The following ASRGL1 variants were observed in gnomAD, a reference collection of about 807,000 sequenced individuals.
The protein encoded by ASRGL1 is isoaspartyl peptidase/L-asparaginase.
A neutral mutation model predicts 22.4 loss-of-function variants in ASRGL1; 16 were observed. That is an observed-to-expected ratio of 0.71 (90% CI 0.48 to 1.08). The LOEUF (loss-of-function observed/expected upper bound fraction) is 1.08. ASRGL1 is among the 50% of genes least tolerant of loss of function. ASRGL1 has a pLI of 0.00. For synonymous variants in ASRGL1, 165 were observed against 159.3 expected, an observed-to-expected ratio of 1.04 and a Z score of -0.27; for missense variants, 412 against 410.1, an observed-to-expected ratio of 1.00 and a Z score of -0.04.
At chr11:62,389,993 A>C (rs1456395262) in intron 5 of ASRGL1, among the ~76,000 whole-genome samples, 1 of 152,176 alleles carries the variant, frequency 6.6e-6, no homozygotes, top group Non-Finnish European at 1.5e-5. Context: ...ACAATTCTTG[A>C]TACCCTTTTT....
downstream of ASRGL1, among the ~76,000 whole-genome samples, chr11:62,398,041 G>A (rs1947451430): frequency 6.6e-6 from 1 of 152,036 alleles, no homozygotes; most frequent in African/African-American, 2.4e-5. Flanking sequence ...GAAGCACCTG[G>A]CTGAACACCA....
the ASRGL1 span, among the ~76,000 whole-genome samples, chr11:62,398,600 A>G: frequency 6.6e-6 from 1 of 152,100 alleles, no homozygotes; most frequent in Non-Finnish European, 1.5e-5. Flanking sequence ...ATCTTTTTTA[A>G]AAGTAAGAAA....
At chr11:62,392,030 G>A in intron 6 of ASRGL1, 49 bp from the exon 7 acceptor site, 1 of 1,590,040 alleles carries the variant, frequency 6.3e-7, no homozygotes, top group Non-Finnish European at 8.6e-7. Context: ...TTTCCCATGA[G>A]ATTCCTTTCA....
At chr11:62,357,392 G>A (rs542854874) in intron 4 of ASRGL1, among the ~76,000 whole-genome samples, 2 of 150,484 alleles carry the variant, frequency 1.3e-5, no homozygotes, top group African/African-American at 4.9e-5. Flanking sequence ...TGGGACTACA[G>A]GCACACACCA....
rs1448530717 is a variant in ASRGL1, at chr11:62,372,056, C to T, written c.491+14912C>T. On this transcript the variant is annotated intron_variant, in intron 4 of 6. Coordinates refer to ENST00000415229, the MANE Select transcript of ASRGL1 (RefSeq NM_001083926.2). ...TAGGTATGGGTGCCTGGCGGGGGTC[C>T]GGGTGCGGACAGTGGTCTCTGGCTC... 1.6e-5 allele frequency: 12 copies of T among 752,568 alleles called. No individual in the cohort carries two copies. In the Admixed American group the frequency reaches 2.2e-4, roughly 14 times the overall value. The allele number at this position is 752,568 out of a possible 1,614,324, so 46.6% of individuals were successfully genotyped here. A position where few individuals can be genotyped will look rare whatever the true frequency, so the allele number is the denominator to read the frequency against.
At chr11:62,371,995 G>A (rs11824690) in intron 4 of ASRGL1, 1 of 669,120 alleles carries the variant, frequency 1.5e-6, no homozygotes. Flanking sequence ...AGGAAGCTGC[G>A]TACGGCAATA....
At chr11:62,398,297 G>A (rs1947454530), downstream of ASRGL1, among the ~76,000 whole-genome samples, 1 of 151,876 alleles carries the variant, frequency 6.6e-6, no homozygotes, top group Non-Finnish European at 1.5e-5. Flanking sequence ...CTTCCTCAGC[G>A]GCCTCTTCCC....
At chr11:62,397,437 G>A (rs1231577097), downstream of ASRGL1, among the ~76,000 whole-genome samples, 5 of 152,156 alleles carry the variant, frequency 3.3e-5, no homozygotes, top group East Asian at 3.9e-4. Flanking sequence ...AGGCTGAAGC[G>A]GGCAGATCAC....
intron 4 of ASRGL1, chr11:62,381,989 CTG>C (rs1225254389): frequency 1.3e-5 from 2 of 152,192 alleles, no homozygotes; most frequent in Non-Finnish European, 2.9e-5. Context: ...GGACGAGAGA[CTG>C]AGAAAAGAAA....
intron 4 of ASRGL1, among the ~76,000 whole-genome samples, chr11:62,388,288 A>G (rs1947260540): frequency 6.6e-6 from 1 of 152,162 alleles, no homozygotes; most frequent in African/African-American, 2.4e-5. Context: ...ATGTTAGGGG[A>G]AAATTAACGG....
At chr11:62,372,032 A>T in intron 4 of ASRGL1, 1 of 743,744 alleles carries the variant, frequency 1.3e-6, no homozygotes, top group Non-Finnish European at 2.5e-6. Context: ...GGGACCCCAT[A>T]GGTATGGGTG....
intron 2 of ASRGL1, among the ~76,000 whole-genome samples, chr11:62,353,142 C>T (rs1255940081): frequency 6.6e-6 from 1 of 152,044 alleles, no homozygotes; most frequent in African/African-American, 2.4e-5. Context: ...TTCTGTTGTT[C>T]AGACTGAGTG....
chr11:62,343,821 A>G (rs1945935347), intron 2 of ASRGL1, among the ~76,000 whole-genome samples: 1 of 150,418 alleles, frequency 6.6e-6, no homozygotes, highest in Non-Finnish European at 1.5e-5. Context: ...TGGCCATTCT[A>G]GTAGGCATAT....
At chr11:62,373,127 GA>G (rs1946819596) in intron 4 of ASRGL1, 1 of 1,457,248 alleles carries the variant, frequency 6.9e-7, no homozygotes, top group African/African-American at 1.4e-5. Flanking sequence ...GTGAAACTGA[GA>G]AAGAAAAGAT....
intron 4 of ASRGL1, chr11:62,372,970 C>A: frequency 6.9e-7 from 1 of 1,455,594 alleles, no homozygotes; most frequent in Non-Finnish European, 9.6e-7. Context: ...AGCTGGGGCC[C>A]ATCACCGACC....
intron 2 of ASRGL1, 119 bp downstream of exon 2, chr11:62,338,286 A>G (rs1345258682): frequency 2.8e-6 from 3 of 1,061,348 alleles, no homozygotes; most frequent in Non-Finnish European, 3.8e-6. Flanking sequence ...CTAAGTATGT[A>G]AAAAAGAAAC....
chr11:62,357,506 C>T (rs1483730070), intron 4 of ASRGL1, among the ~76,000 whole-genome samples: 1 of 150,650 alleles, frequency 6.6e-6, no homozygotes, highest in East Asian at 1.9e-4. Flanking sequence ...AGGTGATCCA[C>T]CTGCCTCGGC....
At chr11:62,362,461 T>TATATATATTATATAAAATATA (rs1565161735) in intron 4 of ASRGL1, among the ~76,000 whole-genome samples, 1 of 101,226 alleles carries the variant, frequency 9.9e-6, no homozygotes, top group East Asian at 2.7e-4. Context: ...ACCAAAAATA[T>TATATATATTATATAAAATATA]ATATATATTA....
At chr11:62,358,146 A>G (rs1358490026) in intron 4 of ASRGL1, among the ~76,000 whole-genome samples, 1 of 152,200 alleles carries the variant, frequency 6.6e-6, no homozygotes, top group Non-Finnish European at 1.5e-5. Context: ...AGGCGGACGG[A>G]TTGCCTCAGC....
Sources: allele counts gnomAD v4.1 joint callset (sites outside exome capture counted in the v4.1 genomes callset), GRCh38; gene constraint gnomAD v4.1.1; transcripts MANE v1.5; gene names NCBI Gene and HGNC (gene_info 2026-07-23, HGNC 2026-07-21).